Variants in NAV3 observed in about 807,000 individuals in gnomAD.
NAV3 encodes the protein neuron navigator 3, also known as pore membrane and/or filament interacting like protein 1.
NAV3 carries 87 observed loss-of-function variants against 244.7 expected under a neutral mutation model. The ratio of observed to expected loss-of-function variants is 0.36; its 90% CI spans 0.30 to 0.42. The LOEUF (loss-of-function observed/expected upper bound fraction) is 0.42. Among genes scored for constraint, NAV3 ranks in the 20% least tolerant of loss-of-function variants. The pLI, the probability that NAV3 is intolerant of heterozygous loss-of-function variation, is 1.00. For missense variants in NAV3, 2,663 were observed against 2,893.3 expected, an observed-to-expected ratio of 0.92 and a Z score of 1.83; for synonymous variants, 1,126 against 1,042.2, an observed-to-expected ratio of 1.08 and a Z score of -1.55.
At chr12:78,162,881 T>A (rs11612560) in intron 23 of NAV3, among the ~76,000 whole-genome samples, 2 of 136,730 alleles carry the variant, frequency 1.5e-5, no homozygotes, top group East Asian at 4.0e-4. Context: ...TATATATATA[T>A]AATATATATA....
intron 2 of NAV3, among the ~76,000 whole-genome samples, chr12:77,632,460 G>A (rs982908887): frequency 1.3e-5 from 2 of 152,152 alleles, no homozygotes; most frequent in African/African-American, 4.8e-5. Context: ...GATAGCTTGT[G>A]CAGGAGAACT....
intron 2 of NAV3, among the ~76,000 whole-genome samples, chr12:77,622,534 A>ATTTTT (rs529338324): frequency 1.1e-5 from 1 of 90,712 alleles, no homozygotes; most frequent in African/African-American, 4.1e-5. Flanking sequence ...ATCCATATGG[A>ATTTTT]TTTTTTTTTT....
chr12:77,606,963 TC>T (rs1469448642), intron 2 of NAV3, among the ~76,000 whole-genome samples: 1 of 152,102 alleles, frequency 6.6e-6, no homozygotes, highest in Non-Finnish European at 1.5e-5. Flanking sequence ...TGTGTTCTAC[TC>T]CTGAAAACTG....
intron 2 of NAV3, among the ~76,000 whole-genome samples, chr12:77,751,693 AG>A (rs1330385329): frequency 1.3e-5 from 2 of 152,216 alleles, no homozygotes; most frequent in Non-Finnish European, 2.9e-5. Flanking sequence ...TGTCTTTATT[AG>A]CAGCATGAGA....
At chr12:78,048,322 T>G (rs1458703488) in intron 9 of NAV3, among the ~76,000 whole-genome samples, 1 of 152,232 alleles carries the variant, frequency 6.6e-6, no homozygotes, top group Non-Finnish European at 1.5e-5. Flanking sequence ...TCAGCCTTTT[T>G]GCACTGTTTT....
rs145040166 is a variant in NAV3, at chr12:77,601,910, G to A, written c.72+29644G>A. 7.0e-4 allele frequency among the ~76,000 whole-genome samples: 107 copies of A among 152,036 alleles called. 1 individual carries two copies. In the East Asian group the frequency reaches 0.02, roughly 28 times the overall value. ...AGATTAATAAGTGATTGAAGGTAGGGGATGAAGTTTTGTGAGGAACAATGC... is the reference window on the plus strand; with the variant it reads ...AGATTAATAAGTGATTGAAGGTAGGAGATGAAGTTTTGTGAGGAACAATGC... On this transcript the variant is annotated intron_variant, in intron 2 of 8. Coordinates refer to the NAV3 transcript ENST00000550042.
chr12:77,684,317 A>G (rs1421985161), intron 2 of NAV3, among the ~76,000 whole-genome samples: 1 of 152,178 alleles, frequency 6.6e-6, no homozygotes, highest in African/African-American at 2.4e-5. Context: ...GGATACAAGT[A>G]TGATTTATGT....
At chr12:77,639,912 A>G (rs548672114) in intron 2 of NAV3, among the ~76,000 whole-genome samples, 1 of 152,170 alleles carries the variant, frequency 6.6e-6, no homozygotes, top group Admixed American at 6.5e-5. Flanking sequence ...ACAAGGAGAA[A>G]CATTCAGCCT....
intron 5 of NAV3, among the ~76,000 whole-genome samples, chr12:77,988,150 A>G (rs1192766568): frequency 6.6e-6 from 1 of 152,194 alleles, no homozygotes; most frequent in African/African-American, 2.4e-5. Context: ...GTTATTATGC[A>G]TAGGAATCAC....
chr12:78,068,812 G>C (rs905435213), intron 12 of NAV3, among the ~76,000 whole-genome samples: 25 of 151,400 alleles, frequency 1.7e-4, no homozygotes, highest in African/African-American at 5.6e-4. Flanking sequence ...TACTAAAAGA[G>C]CACTTATATG....
At chr12:77,622,814 A>T (rs1027655979) in intron 2 of NAV3, among the ~76,000 whole-genome samples, 8 of 152,178 alleles carry the variant, frequency 5.3e-5, no homozygotes, top group African/African-American at 1.9e-4. Context: ...GTATATCTAT[A>T]ACTTATATAG....
At chr12:77,685,150 A>G (rs1183114080) in intron 2 of NAV3, among the ~76,000 whole-genome samples, 2 of 152,170 alleles carry the variant, frequency 1.3e-5, no homozygotes, top group Admixed American at 6.5e-5. Flanking sequence ...GAAACCTACT[A>G]TTGTTCCTAT....
intron 39 of NAV3, among the ~76,000 whole-genome samples, chr12:78,208,590 A>C (rs1396853664): frequency 1.3e-5 from 2 of 152,210 alleles, no homozygotes; most frequent in African/African-American, 2.4e-5. Context: ...AGGCAAAGTA[A>C]ATCCCACGTA....
At chr12:77,614,072 C>G (rs1302878445) in intron 2 of NAV3, among the ~76,000 whole-genome samples, 1 of 127,172 alleles carries the variant, frequency 7.9e-6, no homozygotes, top group Non-Finnish European at 1.6e-5. Context: ...TTTTCTTTCT[C>G]TCTTTTTTTT....
intron 2 of NAV3, among the ~76,000 whole-genome samples, chr12:77,773,506 C>G (rs1252059154): frequency 6.6e-6 from 1 of 152,116 alleles, no homozygotes; most frequent in East Asian, 1.9e-4. Flanking sequence ...TATACAACCT[C>G]TGGCTCAACA....
At chr12:77,658,626 A>G (rs1467069733) in intron 2 of NAV3, among the ~76,000 whole-genome samples, 1 of 152,136 alleles carries the variant, frequency 6.6e-6, no homozygotes, top group Admixed American at 6.5e-5. Flanking sequence ...TTCATATGGA[A>G]CCAAAAAGGA....
At chr12:78,187,415 T>C (rs1031843016) in intron 31 of NAV3, among the ~76,000 whole-genome samples, 1 of 151,906 alleles carries the variant, frequency 6.6e-6, no homozygotes, top group African/African-American at 2.4e-5. Context: ...TTATAATATG[T>C]CAACTATCTA....
At chr12:77,628,268 T>C (rs891221699) in intron 2 of NAV3, among the ~76,000 whole-genome samples, 3 of 152,182 alleles carry the variant, frequency 2.0e-5, no homozygotes, top group African/African-American at 7.2e-5. Flanking sequence ...ACTCCATAAA[T>C]ATGTACAATT....
chr12:78,193,580 T>C (rs1959074310), intron 34 of NAV3, among the ~76,000 whole-genome samples: 1 of 152,158 alleles, frequency 6.6e-6, no homozygotes, highest in Admixed American at 6.6e-5. Context: ...TCTACCTGAC[T>C]AGATCTGGAA....
Sources: allele counts gnomAD v4.1 joint callset (sites outside exome capture counted in the v4.1 genomes callset), GRCh38; gene constraint gnomAD v4.1.1; transcripts MANE v1.5; gene names NCBI Gene and HGNC (gene_info 2026-07-23, HGNC 2026-07-21).